Variants in SLC1A1 observed in about 807,000 individuals in gnomAD.
SLC1A1 encodes solute carrier family 1 member 1.
SLC1A1 carries 43 observed loss-of-function variants against 53.3 expected under a neutral mutation model. That is an observed-to-expected ratio of 0.81 (90% CI 0.63 to 1.04). The LOEUF is 1.04. Among genes scored for constraint, SLC1A1 ranks in the 50% least tolerant of loss-of-function variants. SLC1A1 has a pLI of 0.00. For missense variants in SLC1A1, 748 were observed against 664.9 expected (o/e 1.12, Z -1.37); for synonymous variants, 307 against 243.2 (o/e 1.26, Z -2.44).
intron 1 of SLC1A1, among the ~76,000 whole-genome samples, chr9:4,512,107 C>G (rs143805550): frequency 6.4e-4 from 98 of 152,248 alleles, no homozygotes; most frequent in African/African-American, 2.1e-3. Flanking sequence ...GATTGGATGA[C>G]TCAACATAGT....
At chr9:4,534,479 C>G (rs938587881) in intron 1 of SLC1A1, among the ~76,000 whole-genome samples, 3 of 152,134 alleles carry the variant, frequency 2.0e-5, no homozygotes, top group African/African-American at 7.2e-5. Flanking sequence ...GGATAAATTC[C>G]TGGACACATA....
At chr9:4,528,234 C>T (rs1022041394) in intron 1 of SLC1A1, among the ~76,000 whole-genome samples, 7 of 151,630 alleles carry the variant, frequency 4.6e-5, no homozygotes, top group African/African-American at 1.5e-4. Context: ...GAAGATACTT[C>T]CTGCATGGAA....
intron 1 of SLC1A1, among the ~76,000 whole-genome samples, chr9:4,516,388 T>C (rs2130822261): frequency 6.6e-6 from 1 of 152,346 alleles, no homozygotes. Flanking sequence ...ATGGCTTCTC[T>C]TGATCTTTTT....
In SLC1A1 at chr9:4,572,282, G is replaced by T. The variant is rs1390338145; in HGVS notation, c.661G>T (p.Val221Phe). 4 of 1,613,974 alleles carry T rather than the reference G, an allele frequency of 2.5e-6. No individual in the cohort carries two copies. The highest frequency in any genetic ancestry group is 1.7e-6 in the Non-Finnish European group (2 of 1,179,970). Residue 221 changes from valine (V) to phenylalanine (F), a missense_variant, in exon 7 of 12, where the codon GTC becomes TTC. Val to Phe is a conservative substitution (Grantham distance 50). Transcript: ENST00000262352. Reference sequence around the variant, plus strand: ...CCTGGGCTTGATTGTCTTTTGCCTTGTCTTTGGACTTGTCATTGGAAAAAT... The same window carrying T: ...CCTGGGCTTGATTGTCTTTTGCCTTTTCTTTGGACTTGTCATTGGAAAAAT... Reference protein sequence around the residue: ...NVLGLIVFCLVFGLVIGKMGE... With the variant: ...NVLGLIVFCLFFGLVIGKMGE...
At chr9:4,493,835 A>G (rs1264995944) in intron 1 of SLC1A1, among the ~76,000 whole-genome samples, 1 of 152,230 alleles carries the variant, frequency 6.6e-6, no homozygotes, top group African/African-American at 2.4e-5. Context: ...ATAAGAGGCA[A>G]AGATTTTTAT....
intron 2 of SLC1A1, among the ~76,000 whole-genome samples, chr9:4,550,073 C>T (rs944059256): frequency 6.6e-6 from 1 of 152,192 alleles, no homozygotes; most frequent in African/African-American, 2.4e-5. Context: ...CTCCTCTCTC[C>T]CCCAGGCCAC....
chr9:4,491,524 A>G (rs1820236314), intron 1 of SLC1A1, among the ~76,000 whole-genome samples: 1 of 152,194 alleles, frequency 6.6e-6, no homozygotes, highest in African/African-American at 2.4e-5. Context: ...CCTGTTTTTA[A>G]ACAAGGGTGT....
chr9:4,584,793 G>A (rs1255804542), intron 11 of SLC1A1, among the ~76,000 whole-genome samples: 2 of 152,108 alleles, frequency 1.3e-5, no homozygotes, highest in East Asian at 3.8e-4. Context: ...TCTGCACCAT[G>A]CCTCCTGGTT....
rs891285237 is a variant in SLC1A1, at chr9:4,586,390, G to A, written c.*832G>A. The stretch of plus-strand genomic sequence containing the variant: ...ACTCCTTTCTAAGGAGCACTAGAAT[G>A]AGAAATCATGTTGTTCGATCGTTTC... On this transcript the variant is annotated 3_prime_UTR_variant, in exon 12 of 12. Coordinates refer to ENST00000262352, the MANE Select transcript of SLC1A1 (RefSeq NM_004170.6). 3 of 152,134 alleles carry A rather than the reference G, an allele frequency of 2.0e-5. No homozygotes were observed. Among genetic ancestry groups the A allele is most frequent in the African/African-American group, 7.2e-5 (3 of 41,428 alleles). The allele number at this position is 152,134 out of a possible 1,614,324, so 9.4% of individuals were successfully genotyped here. A position where few individuals can be genotyped will look rare whatever the true frequency, so the allele number is the denominator to read the frequency against.
At chr9:4,525,948 A>G (rs1454438838) in intron 1 of SLC1A1, among the ~76,000 whole-genome samples, 1 of 152,212 alleles carries the variant, frequency 6.6e-6, no homozygotes, top group Non-Finnish European at 1.5e-5. Context: ...AAAATACCAT[A>G]TAATAATTCA....
chr9:4,569,973 C>A (rs984581525), intron 6 of SLC1A1, among the ~76,000 whole-genome samples: 1 of 152,142 alleles, frequency 6.6e-6, no homozygotes, highest in Non-Finnish European at 1.5e-5. Context: ...AGGCATTCAG[C>A]AAGGGATGTT....
chr9:4,541,832 C>T lies in SLC1A1; in HGVS notation c.92-2735C>T, dbSNP rs1164782687. ...CGTACTCCCAGAAGGGCAGTTATTC[C>T]TAGCAGCCTTTGGCTTTGGGAACCT... is the stretch of plus-strand genomic sequence containing the variant. On this transcript the variant is annotated intron_variant, in intron 1 of 11. Coordinates refer to ENST00000262352, the MANE Select transcript of SLC1A1 (RefSeq NM_004170.6). Among the ~76,000 whole-genome samples the T allele has an allele frequency of 2.0e-5, 3 of 152,210 alleles. No individual in the cohort carries two copies. The East Asian group carries it at 5.8e-4, about 29-fold the overall frequency.
chr9:4,531,204 T>C (rs1816455214), intron 1 of SLC1A1, among the ~76,000 whole-genome samples: 1 of 152,140 alleles, frequency 6.6e-6, no homozygotes. Flanking sequence ...TGTCGGAAAG[T>C]GGGTGCAGGA....
intron 10 of SLC1A1, among the ~76,000 whole-genome samples, chr9:4,581,673 G>A (rs1477572191): frequency 1.3e-5 from 2 of 152,230 alleles, no homozygotes; most frequent in African/African-American, 4.8e-5. Context: ...GCTTTCCAAA[G>A]AGTACTTAGG....
chr9:4,524,966 A>G (rs552580281), intron 1 of SLC1A1, among the ~76,000 whole-genome samples: 39 of 152,212 alleles, frequency 2.6e-4, no homozygotes, highest in African/African-American at 8.4e-4. Flanking sequence ...CTGCCTTCCA[A>G]TACTGCCACA....
intron 10 of SLC1A1, among the ~76,000 whole-genome samples, chr9:4,580,129 G>A (rs1159022785): frequency 6.6e-6 from 1 of 152,066 alleles, no homozygotes; most frequent in Non-Finnish European, 1.5e-5. Context: ...TACTCAGGAG[G>A]CTGAAGTGGG....
At chr9:4,582,049 G>C (rs1821145110) in intron 10 of SLC1A1, among the ~76,000 whole-genome samples, 2 of 152,186 alleles carry the variant, frequency 1.3e-5, no homozygotes, top group Admixed American at 6.5e-5. Context: ...TTCAGGCCTT[G>C]GCCCAAGGGC....
At chr9:4,525,217 A>T (rs905683897) in intron 1 of SLC1A1, among the ~76,000 whole-genome samples, 2 of 152,142 alleles carry the variant, frequency 1.3e-5, no homozygotes, top group Non-Finnish European at 2.9e-5. Flanking sequence ...ACTAAGGAAA[A>T]CCTTAAGAAA....
At chr9:4,510,446 C>A (rs749144611) in intron 1 of SLC1A1, among the ~76,000 whole-genome samples, 1 of 152,192 alleles carries the variant, frequency 6.6e-6, no homozygotes, top group Non-Finnish European at 1.5e-5. Flanking sequence ...TTCAAACAGG[C>A]TTAATCCAGA....
Sources: gnomAD v4.1 joint callset for allele counts (sites outside exome capture counted in the v4.1 genomes callset) on GRCh38, gnomAD v4.1.1 for gene constraint, MANE v1.5 for transcripts, NCBI Gene and HGNC (gene_info 2026-07-23, HGNC 2026-07-21) for gene names.